TSPAN1: variants seen among roughly 807,000 people sequenced by gnomAD.
TSPAN1 encodes tetraspanin-1.
A neutral mutation model predicts 26.9 loss-of-function variants in TSPAN1; 23 were observed. The observed-to-expected ratio is 0.85, with a 90% CI of 0.62 to 1.21. The LOEUF (loss-of-function observed/expected upper bound fraction) is 1.21. TSPAN1 is among the 50% of genes most tolerant of loss of function. The pLI, the probability that TSPAN1 is intolerant of heterozygous loss-of-function variation, is 0.00. For missense variants in TSPAN1, 283 were observed against 298.4 expected (o/e 0.95, Z 0.38); for synonymous variants, 115 against 114.8 (o/e 1.00, Z -0.01).
At chr1:46,190,395 C>T, downstream of TSPAN1, 1 of 1,499,752 alleles carries the variant, frequency 6.7e-7, no homozygotes, top group Non-Finnish European at 9.3e-7. Context: ...TTGCACAGGA[C>T]CCTGTAAATT....
At chr1:46,193,830 G>C in the TSPAN1 span, 10 of 1,613,496 alleles carry the variant, frequency 6.2e-6, no homozygotes, top group Non-Finnish European at 8.5e-6. Flanking sequence ...GTTCAGTGCT[G>C]GGTATAGCCC....
At chr1:46,192,611 G>C in the TSPAN1 span, 15 of 1,613,276 alleles carry the variant, frequency 9.3e-6, no homozygotes, top group Non-Finnish European at 1.3e-5. Flanking sequence ...CAGGGTCAAA[G>C]AGTTCAGGGA....
chr1:46,190,809 T>G (rs1353726569), downstream of TSPAN1: 22 of 1,584,768 alleles, frequency 1.4e-5, no homozygotes, highest in Non-Finnish European at 1.9e-5. Context: ...AGAGTGAAAA[T>G]CAGCACCTCA....
chr1:46,188,924 G>C (rs762671303), downstream of TSPAN1: 63 of 1,612,638 alleles, frequency 3.9e-5, no homozygotes, highest in Non-Finnish European at 5.1e-5. Context: ...CTCCAGGTTC[G>C]GCCTGTTTTC....
At chr1:46,190,455 A>G (rs753603587), downstream of TSPAN1, 8 of 1,574,224 alleles carry the variant, frequency 5.1e-6, no homozygotes, top group Non-Finnish European at 7.0e-6. Context: ...GCTACACCCC[A>G]ATTGTCCTAG....
downstream of TSPAN1, among the ~76,000 whole-genome samples, chr1:46,186,730 C>T (rs1226836172): frequency 3.4e-5 from 5 of 145,678 alleles, no homozygotes; most frequent in Admixed American, 7.1e-5. Flanking sequence ...GGCGCGATCT[C>T]GGCTCACTGC....
chr1:46,176,436 G>T lies in TSPAN1; in HGVS notation c.-142+1027G>T, dbSNP rs940924112. ...TGCGGTAGGGGGAACGCATGCCCTG[G>T]GGCCGAGGGCCACGGACAAGCCGAG... On this transcript the variant is annotated intron_variant, in intron 1 of 8. Transcript: ENST00000372003. 15 of 1,535,744 alleles carry T rather than the reference G, an allele frequency of 9.8e-6. No individual in the cohort carries two copies. The South Asian group carries it at 1.8e-4, about 18-fold the overall frequency.
chr1:46,192,801 T>C, the TSPAN1 span: 1 of 1,594,520 alleles, frequency 6.3e-7, no homozygotes, highest in Non-Finnish European at 8.6e-7. Context: ...TCGCCCCCAC[T>C]TGTGAGCTCA....
In TSPAN1 at chr1:46,185,049, T is replaced by C. The variant is rs1657397433; in HGVS notation, c.528T>C (p.Asn176=). The part of the protein sequence containing the change: ...ENSAFPPFCC[N]DNVTNTANET... ...GTGCCTTTCCCCCATTCTGTTGCAATGACAACGTCACCAACACAGCCAATG... is the reference window on the plus strand; with the variant it reads ...GTGCCTTTCCCCCATTCTGTTGCAACGACAACGTCACCAACACAGCCAATG... The change falls in exon 7 of 9, where the codon AAT becomes AAC. Residue 176 remains asparagine (N), a synonymous_variant. Coordinates refer to ENST00000372003, the MANE Select transcript of TSPAN1 (RefSeq NM_005727.4). The C allele has an allele frequency of 1.2e-6, 2 of 1,614,104 alleles. No individual in the cohort carries two copies.
chr1:46,189,237 A>G, downstream of TSPAN1: 4 of 1,601,242 alleles, frequency 2.5e-6, no homozygotes, highest in Non-Finnish European at 3.4e-6. Context: ...GGGGGTACAC[A>G]GTACCCAGCC....
At position 46,182,304 on chromosome 1, in the gene TSPAN1, C is replaced by CGAAAAAAAAAAAAAAAAAAAAA. The variant is rs1657329897; in HGVS notation, c.57+1140_57+1141insGAAAAAAAAAAAAAAAAAAAAA. Among the ~76,000 whole-genome samples, 3 of 30,162 alleles carry CGAAAAAAAAAAAAAAAAAAAAA rather than the reference C, an allele frequency of 9.9e-5. 1 individual carries two copies. The highest frequency in any genetic ancestry group is 3.0e-4 in the African/African-American group (3 of 10,148). The allele number at this position is 30,162 out of a possible 152,430, so 19.8% of individuals were successfully genotyped here. A position where few individuals can be genotyped will look rare whatever the true frequency, so the allele number is the denominator to read the frequency against. ...GGAAACCCAATTTATTAGGGATAAG[C>CGAAAAAAAAAAAAAAAAAAAAA]AAAAAAAAAAAAAGCCACTGTGAAG... On this transcript the variant is annotated intron_variant, in intron 3 of 8. Transcript: ENST00000372003.
chr1:46,194,593 T>TG, the TSPAN1 span: 1 of 1,614,176 alleles, frequency 6.2e-7, no homozygotes, highest in Non-Finnish European at 8.5e-7. Flanking sequence ...TCAGCAGGAC[T>TG]GGGTCCCCCC....
At chr1:46,192,678 AGGAGCACCTCCTTCCT>A in the TSPAN1 span, 1 of 1,601,602 alleles carries the variant, frequency 6.2e-7, no homozygotes, top group Non-Finnish European at 8.5e-7. Flanking sequence ...GCTGGGTCTC[AGGAGCACCTCCTTCCT>A]GGAGTACCTC....
chr1:46,176,097 G>A (rs1037110749), intron 1 of TSPAN1: 128 of 976,172 alleles, frequency 1.3e-4, no homozygotes, highest in Middle Eastern at 2.7e-4. Flanking sequence ...GGATGGTCTC[G>A]ATCTCCTGAC....
intron 7 of TSPAN1, 52 bp downstream of exon 7, chr1:46,185,167 A>C (rs112401991): frequency 1.2e-6 from 2 of 1,614,008 alleles, no homozygotes; most frequent in African/African-American, 2.7e-5. Context: ...TCAGAGTGGC[A>C]AACGGGGATG....
downstream of TSPAN1, chr1:46,186,013 T>A (rs562940058): frequency 1.2e-5 from 2 of 163,730 alleles, no homozygotes; most frequent in African/African-American, 4.8e-5. Flanking sequence ...TGGCCACGGA[T>A]TCCTGTGGGG....
the TSPAN1 span, chr1:46,193,795 A>T: frequency 6.2e-7 from 1 of 1,608,382 alleles, no homozygotes; most frequent in Non-Finnish European, 8.5e-7. Context: ...TTCCTCCTGG[A>T]GGTAGATGAC....
downstream of TSPAN1, chr1:46,189,127 T>C: frequency 3.4e-6 from 5 of 1,491,220 alleles, no homozygotes; most frequent in Non-Finnish European, 4.5e-6. Flanking sequence ...AACCCTCCCC[T>C]TGGAGTTAGT....
intron 1 of TSPAN1, among the ~76,000 whole-genome samples, chr1:46,179,989 TTGTG>T (rs918590782): frequency 5.2e-5 from 7 of 135,492 alleles, no homozygotes; most frequent in African/African-American, 1.6e-4. Flanking sequence ...GTGTGTGTGT[TTGTG>T]TGTGTGTGTG....
Sources: allele counts gnomAD v4.1 joint callset (sites outside exome capture counted in the v4.1 genomes callset), GRCh38; gene constraint gnomAD v4.1.1; transcripts MANE v1.5; gene names NCBI Gene and HGNC (gene_info 2026-07-23, HGNC 2026-07-21).